FTO: variants seen among roughly 807,000 people sequenced by gnomAD.
FTO encodes alpha-ketoglutarate-dependent dioxygenase FTO.
In FTO, 47 loss-of-function variants were observed where a neutral mutation model predicts 63.9. The ratio of observed to expected loss-of-function variants is 0.74; its 90% CI spans 0.58 to 0.94. FTO has a LOEUF of 0.94. FTO is among the 40% of genes least tolerant of loss of function. The pLI, the probability that FTO is intolerant of heterozygous loss-of-function variation, is 0.00. For synonymous variants in FTO, 207 were observed against 224.4 expected, an observed-to-expected ratio of 0.92 and a Z score of 0.69; for missense variants, 562 against 618.1, an observed-to-expected ratio of 0.91 and a Z score of 0.96.
At position 53,983,195 on chromosome 16, in the gene FTO, A is replaced by T. The variant is rs189541303; in HGVS notation, c.1364+49086A>T. On this transcript the variant is annotated intron_variant, in intron 8 of 8. Coordinates refer to ENST00000471389, the MANE Select transcript of FTO (RefSeq NM_001080432.3). ...TGGTTTTTCTCCATCCTAACGGTAAAAGAGTCAAGCTGAAAATGCATGTCT... is the reference window on the plus strand; with the variant it reads ...TGGTTTTTCTCCATCCTAACGGTAATAGAGTCAAGCTGAAAATGCATGTCT... Among the ~76,000 whole-genome samples the T allele has an allele frequency of 1.4e-3, 215 of 152,266 alleles. 1 individual carries two copies. The highest frequency in any genetic ancestry group is 3.5e-3 in the South Asian group (17 of 4,820).
At chr16:53,983,742 C>A (rs2083601347) in intron 8 of FTO, among the ~76,000 whole-genome samples, 1 of 152,008 alleles carries the variant, frequency 6.6e-6, no homozygotes, top group Non-Finnish European at 1.5e-5. Context: ...GAAAGCACAC[C>A]CCCGGTCTAA....
At chr16:53,937,434 G>T (rs923506086) in intron 8 of FTO, 7 of 393,908 alleles carry the variant, frequency 1.8e-5, no homozygotes, top group Non-Finnish European at 3.1e-5. Flanking sequence ...GACCTGCGTA[G>T]CCCAAAGGTC....
chr16:54,074,957 A>G (rs79014830), intron 8 of FTO, among the ~76,000 whole-genome samples: 7,965 of 132,768 alleles, frequency 0.06, 240 homozygotes, highest in South Asian at 0.14. Flanking sequence ...TGTGTGTGTA[A>G]ACTGTTTTAG....
intron 2 of FTO, among the ~76,000 whole-genome samples, chr16:53,816,870 G>T (rs1032398375): frequency 6.6e-6 from 1 of 152,164 alleles, no homozygotes; most frequent in South Asian, 2.1e-4. Context: ...GAAAATAGAC[G>T]TTTCGCTCTC....
At chr16:53,705,486 A>C (rs1422822436) in intron 1 of FTO, among the ~76,000 whole-genome samples, 1 of 152,220 alleles carries the variant, frequency 6.6e-6, no homozygotes, top group Non-Finnish European at 1.5e-5. Flanking sequence ...ATGTTAGGCA[A>C]ATATTGGCAG....
At chr16:53,710,168 T>TTTTATTTATTTA (rs10685934) in intron 1 of FTO, among the ~76,000 whole-genome samples, 21 of 150,836 alleles carry the variant, frequency 1.4e-4, no homozygotes, top group African/African-American at 5.1e-4. Flanking sequence ...GCAAGCTATC[T>TTTTATTTATTTA]TTTATTTATT....
chr16:53,897,895 G>C (rs2081311616), intron 7 of FTO, among the ~76,000 whole-genome samples: 1 of 152,140 alleles, frequency 6.6e-6, no homozygotes, highest in African/African-American at 2.4e-5. Context: ...TCTTCTTGAT[G>C]TATCTCTTGA....
chr16:54,001,842 G>C (rs1258815967), intron 8 of FTO, among the ~76,000 whole-genome samples: 1 of 152,144 alleles, frequency 6.6e-6, no homozygotes, highest in African/African-American at 2.4e-5. Context: ...ATGCATCCCA[G>C]CATCCCTTGG....
chr16:53,832,110 T>C (rs2079160460), intron 3 of FTO, among the ~76,000 whole-genome samples: 1 of 152,072 alleles, frequency 6.6e-6, no homozygotes, highest in Non-Finnish European at 1.5e-5. Flanking sequence ...GTCCTGTAAC[T>C]TTTTACCAAC....
At chr16:54,033,958 A>G (rs1422041253) in intron 8 of FTO, 3 of 152,156 alleles carry the variant, frequency 2.0e-5, no homozygotes, top group African/African-American at 7.2e-5. Flanking sequence ...CAAGTGTCTG[A>G]CTTATGATGT....
chr16:53,787,145 AAAAG>A (rs1186118683), intron 1 of FTO, among the ~76,000 whole-genome samples: 64 of 148,086 alleles, frequency 4.3e-4, no homozygotes, highest in African/African-American at 1.2e-3. Flanking sequence ...AAAAAAAAGA[AAAAG>A]AAACACCATC....
chr16:53,704,258 C>G, intron 1 of FTO, 29 bp downstream of exon 1: 2 of 1,550,070 alleles, frequency 1.3e-6, no homozygotes, highest in Non-Finnish European at 1.7e-6. Flanking sequence ...GCCTGGAGAT[C>G]TTCGTGCGCT....
intron 8 of FTO, among the ~76,000 whole-genome samples, chr16:53,984,321 C>CCTT (rs1555500067): frequency 0.021 from 1,417 of 67,302 alleles, 86 homozygotes; most frequent in African/African-American, 0.073. Context: ...TGGAATGGGT[C>CCTT]TTTTTTTTTT....
At chr16:53,744,037 TC>T (rs1330249772) in intron 1 of FTO, among the ~76,000 whole-genome samples, 1 of 152,186 alleles carries the variant, frequency 6.6e-6, no homozygotes, top group East Asian at 1.9e-4. Context: ...TTTTCTCCAG[TC>T]GTCTTGTAGA....
At chr16:53,707,385 T>C (rs985664985) in intron 1 of FTO, among the ~76,000 whole-genome samples, 1 of 152,224 alleles carries the variant, frequency 6.6e-6, no homozygotes, top group Admixed American at 6.5e-5. Flanking sequence ...GGACCCGTCC[T>C]AAATCCAGGA....
Position 54,119,861 on chromosome 16 carries a change from T to A in FTO, c.*7946T>A, listed in dbSNP as rs2086993965. The A allele has an allele frequency of 6.6e-6, 1 of 152,234 alleles. No individual in the cohort carries two copies. The allele number at this position is 152,234 out of a possible 1,614,324, so 9.4% of individuals were successfully genotyped here. The stretch of plus-strand genomic sequence containing the variant: ...AACTGTGTATGACTAAGGCTCCATT[T>A]GCTGTCTCCAACCCTCTGTGAGAAG... On this transcript the variant is annotated 3_prime_UTR_variant, in exon 9 of 9. Coordinates refer to ENST00000471389, the MANE Select transcript of FTO (RefSeq NM_001080432.3).
chr16:53,862,893 C>T (rs920684311), intron 4 of FTO, among the ~76,000 whole-genome samples: 4 of 152,100 alleles, frequency 2.6e-5, no homozygotes, highest in African/African-American at 4.8e-5. Flanking sequence ...TTTGGATCTC[C>T]AGGATCTGTT....
chr16:53,777,511 T>A (rs1159046771), intron 1 of FTO, among the ~76,000 whole-genome samples: 3 of 152,236 alleles, frequency 2.0e-5, no homozygotes, highest in Non-Finnish European at 2.9e-5. Context: ...TCTGTTGATC[T>A]CTTTTGCACT....
rs936658808 is a variant in FTO, at chr16:53,953,779, C to A, written c.1364+19670C>A. On this transcript the variant is annotated intron_variant, in intron 8 of 8. Coordinates refer to ENST00000471389, the MANE Select transcript of FTO (RefSeq NM_001080432.3). ...CAGAAGCCATGAGGGGCCCAGCATC[C>A]TGTGAATTTCTCCATTATGTGGCAG... is the stretch of plus-strand genomic sequence containing the variant. Among the ~76,000 whole-genome samples, 5 of 152,184 alleles carry A rather than the reference C, an allele frequency of 3.3e-5. No homozygotes were observed. In the East Asian group the frequency reaches 9.6e-4, roughly 29 times the overall value.
Sources: allele counts gnomAD v4.1 joint callset (sites outside exome capture counted in the v4.1 genomes callset), GRCh38; gene constraint gnomAD v4.1.1; transcripts MANE v1.5; gene names NCBI Gene and HGNC (gene_info 2026-07-23, HGNC 2026-07-21).